Variants in PMM2 observed in about 807,000 individuals in gnomAD.
The protein encoded by PMM2 is phosphomannomutase 2, also known as mannose-6-phosphate isomerase.
In PMM2, 35 loss-of-function variants were observed where a neutral mutation model predicts 33.2. The ratio of observed to expected loss-of-function variants is 1.06; its 90% confidence interval spans 0.81 to 1.40. The LOEUF is 1.40. PMM2 is among the 40% of genes most tolerant of loss of function. The pLI is 0.00. For synonymous variants in PMM2, 153 were observed against 114.7 expected, an observed-to-expected ratio of 1.33 and a Z score of -2.13; for missense variants, 386 against 306.0, an observed-to-expected ratio of 1.26 and a Z score of -1.95.
At chr16:8,824,023 C>G (rs1393501767) in intron 7 of PMM2, among the ~76,000 whole-genome samples, 1 of 152,250 alleles carries the variant, frequency 6.6e-6, no homozygotes, top group Non-Finnish European at 1.5e-5. Flanking sequence ...AATAATTATA[C>G]TGCCATAAGT....
Position 8,806,329 on chromosome 16 carries a change from A to G in PMM2, c.269A>G (p.His90Arg). ...TTCTTCATCTAGAATATTCAAAGTC[A>G]TCTGGGTGAGGCCCTAATCCAAGAT... ...KLLCRQNIQS[H>R]LGEALIQDLI... The change falls in exon 4 of 8, where the codon CAT becomes CGT. Residue 90 changes from histidine (H) to arginine (R), a missense_variant. Physicochemically the swap from His to Arg is conservative, Grantham distance 29. Transcript: ENST00000268261. 6.2e-7 allele frequency: 1 copy of G among 1,604,544 alleles called. No individual in the cohort carries two copies. The highest frequency in any genetic ancestry group is 8.5e-7 in the Non-Finnish European group (1 of 1,171,246).
intron 7 of PMM2, among the ~76,000 whole-genome samples, chr16:8,844,174 G>C (rs11861383): frequency 6.6e-6 from 1 of 152,168 alleles, no homozygotes; most frequent in Non-Finnish European, 1.5e-5. Context: ...CATTGCAGAA[G>C]AAAATAAGGC....
intron 7 of PMM2, among the ~76,000 whole-genome samples, chr16:8,827,756 A>G (rs1280658852): frequency 1.1e-5 from 1 of 91,772 alleles, no homozygotes; most frequent in Non-Finnish European, 2.1e-5. Flanking sequence ...ATATATATAT[A>G]TATATGCACA....
intron 7 of PMM2, chr16:8,842,372 TAAATA>T (rs1320663823): frequency 6.6e-6 from 1 of 152,110 alleles, no homozygotes; most frequent in Admixed American, 6.6e-5. Context: ...ATCAATATAT[TAAATA>T]AGGTGAGAAG....
Position 8,801,140 on chromosome 16 carries a change from C to G in PMM2, c.67-659C>G, listed in dbSNP as rs113468036. On this transcript the variant is annotated intron_variant, in intron 1 of 7. Coordinates refer to ENST00000268261, the MANE Select transcript of PMM2 (RefSeq NM_000303.3). ...GCATAGTGCTGAAAAACCAAAGTCC[C>G]TGCACAGGACATGATTCCATTTATG... Among the ~76,000 whole-genome samples the G allele has an allele frequency of 6.2e-3, 942 of 152,312 alleles. 19 individuals are homozygous for G. The highest frequency in any genetic ancestry group is 0.022 in the African/African-American group (897 of 41,566).
chr16:8,847,395 T>C (rs1203367266), intron 7 of PMM2, among the ~76,000 whole-genome samples: 1 of 104,466 alleles, frequency 9.6e-6, no homozygotes, highest in Non-Finnish European at 2.1e-5. Context: ...AAAAAAAAAC[T>C]GATGGCTGTG....
At chr16:8,833,839 A>G (rs1366383114) in intron 7 of PMM2, among the ~76,000 whole-genome samples, 1 of 152,204 alleles carries the variant, frequency 6.6e-6, no homozygotes, top group Admixed American at 6.5e-5. Flanking sequence ...GAGATTCAGC[A>G]TAGTCCTGCC....
chr16:8,828,361 A>T (rs2060790638), intron 7 of PMM2, among the ~76,000 whole-genome samples: 1 of 152,160 alleles, frequency 6.6e-6, no homozygotes, highest in Admixed American at 6.5e-5. Context: ...CATAAATAAC[A>T]AACCAGAGAG....
rs1171656138 is a variant in PMM2 at position 8,839,893 on chromosome 16, G to T, written c.640-7831G>T. 1.6e-4 allele frequency among the ~76,000 whole-genome samples: 6 copies of T among 38,266 alleles called. 1 individual carries two copies. The highest frequency in any genetic ancestry group is 5.6e-4 in the African/African-American group (6 of 10,654). The allele number at this position is 38,266 out of a possible 152,430, so 25.1% of individuals were successfully genotyped here. A position where few individuals can be genotyped will look rare whatever the true frequency, so the allele number is the denominator to read the frequency against. Reference sequence around the variant, plus strand: ...GGGGGAGAAAGGAGAAAGGAGAAAGGTTTTTTAAATAAGTGTGAAGGAGGG... The same window carrying T: ...GGGGGAGAAAGGAGAAAGGAGAAAGTTTTTTTAAATAAGTGTGAAGGAGGG... On this transcript the variant is annotated intron_variant, in intron 7 of 7. Transcript: ENST00000268261.
chr16:8,806,554 A>T (rs906888917), intron 4 of PMM2, 147 bp downstream of exon 4: 2 of 682,196 alleles, frequency 2.9e-6, no homozygotes. Context: ...CCCCTTGGCA[A>T]TTCTGGTTCA....
intron 1 of PMM2, among the ~76,000 whole-genome samples, chr16:8,799,388 T>C (rs550226943): frequency 6.6e-6 from 1 of 152,070 alleles, no homozygotes; most frequent in Admixed American, 6.6e-5. Context: ...AGAACTAACC[T>C]CCTCAGTTTC....
chr16:8,823,885 C>G (rs1349099355), intron 7 of PMM2, among the ~76,000 whole-genome samples: 1 of 152,182 alleles, frequency 6.6e-6, no homozygotes. Flanking sequence ...TGTTAGTCAA[C>G]TTTGTTCCTT....
chr16:8,806,176 G>T (rs2060646509), intron 3 of PMM2, 140 bp from the exon 4 acceptor site: 1 of 702,288 alleles, frequency 1.4e-6, no homozygotes, highest in Non-Finnish European at 2.6e-6. Context: ...GAATTAAACA[G>T]ACAGTGGGGC....
chr16:8,806,301 A>T lies in PMM2; in HGVS notation c.256-15A>T. ...TCCTGCTAAATCAAGTAACTCAAGT[A>T]TTTTCTTCATCTAGAATATTCAAAG... On this transcript the variant is annotated splice_polypyrimidine_tract_variant and intron_variant, in intron 3 of 7. Transcript: ENST00000268261. 6.5e-7 allele frequency: 1 copy of T among 1,526,944 alleles called. No individual in the cohort carries two copies. Among genetic ancestry groups the T allele is most frequent in the Non-Finnish European group, 9.1e-7 (1 of 1,100,422 alleles). 94.6% of individuals were successfully genotyped at this position (1,526,944 alleles called of 1,614,324 possible). A position where few individuals can be genotyped will look rare whatever the true frequency, so the allele number is the denominator to read the frequency against.
At chr16:8,820,351 C>CTTTTTTT (rs545958069) in intron 7 of PMM2, among the ~76,000 whole-genome samples, 4 of 133,176 alleles carry the variant, frequency 3.0e-5, no homozygotes, top group African/African-American at 1.2e-4. Context: ...CACAGTTCTT[C>CTTTTTTT]TTTTTTTTTT....
chr16:8,828,378 T>C (rs915363225), intron 7 of PMM2, among the ~76,000 whole-genome samples: 1 of 152,088 alleles, frequency 6.6e-6, no homozygotes, highest in Admixed American at 6.6e-5. Context: ...AGAGCACCCA[T>C]TCCGTAAGCT....
chr16:8,847,008 C>T (rs1049581047), intron 7 of PMM2, among the ~76,000 whole-genome samples: 4 of 152,238 alleles, frequency 2.6e-5, no homozygotes, highest in Middle Eastern at 3.4e-3. Flanking sequence ...GGATTTCAGA[C>T]GTGCGCCACC....
chr16:8,805,438 G>A (rs953004157), intron 3 of PMM2, among the ~76,000 whole-genome samples: 1 of 152,102 alleles, frequency 6.6e-6, no homozygotes, highest in African/African-American at 2.4e-5. Context: ...TGCAATCCCA[G>A]TGGCCTAGAA....
In PMM2 at chr16:8,837,615, G is replaced by A. The variant is rs936214304; in HGVS notation, c.640-10109G>A. ...GCACAGAGATATAAGAGATTGGGGC[G>A]CAGAAATAAGGGATCGGGGCGCAGA... On this transcript the variant is annotated intron_variant, in intron 7 of 7. Transcript: ENST00000268261. Among the ~76,000 whole-genome samples, 14 of 151,714 alleles carry A rather than the reference G, an allele frequency of 9.2e-5. 2 individuals carry two copies. The highest frequency in any genetic ancestry group is 2.1e-4 in the South Asian group (1 of 4,812).
Sources: gnomAD v4.1 joint callset for allele counts (sites outside exome capture counted in the v4.1 genomes callset) on GRCh38, gnomAD v4.1.1 for gene constraint, MANE v1.5 for transcripts, NCBI Gene and HGNC (gene_info 2026-07-23, HGNC 2026-07-21) for gene names.